SHOX: variants seen among roughly 807,000 people sequenced by gnomAD.
SHOX encodes short stature homeobox protein.
A neutral mutation model predicts 29.6 loss-of-function variants in SHOX; 12 were observed. The ratio of observed to expected loss-of-function variants is 0.41; its 90% CI spans 0.26 to 0.66. The LOEUF is 0.66. SHOX is among the 30% of genes least tolerant of loss of function. The probability of loss-of-function intolerance (pLI) is 0.35; values close to 1 mark genes in which losing one functional copy is unlikely to be tolerated. For missense variants in SHOX, 499 were observed against 437.7 expected (o/e 1.14, Z -1.25); for synonymous variants, 214 against 200.6 (o/e 1.07, Z -0.57).
At chrX:654,004 G>A (rs766846706), downstream of SHOX, among the ~76,000 whole-genome samples, 107 of 152,092 alleles carry the variant, frequency 7.0e-4, 2 homozygotes, top group Admixed American at 1.4e-3. Context: ...AGTGTCGGTC[G>A]TCTACTCTAC....
intron 2 of SHOX, among the ~76,000 whole-genome samples, chrX:638,695 T>C (rs1246626667): frequency 6.6e-6 from 1 of 151,894 alleles, no homozygotes; most frequent in Non-Finnish European, 1.5e-5. Flanking sequence ...CTGTGTAGAC[T>C]CCTGGCTGCT....
chrX:627,338 A>G (rs1028468006), upstream of SHOX, among the ~76,000 whole-genome samples: 2 of 152,198 alleles, frequency 1.3e-5, no homozygotes, highest in Non-Finnish European at 2.9e-5. Flanking sequence ...TCAAGCACTC[A>G]AACGCTGGGT....
intron 5 of SHOX, among the ~76,000 whole-genome samples, chrX:656,792 G>A (rs78599245): frequency 0.71 from 56,058 of 79,150 alleles, 19,426 homozygotes; most frequent in East Asian, 0.77. Context: ...GCAGTGAGTC[G>A]AGATCGCGCC....
Position 648,418 on chromosome X carries a change from G to T in SHOX, c.*3782G>T, listed in dbSNP as rs28415306. 0.29 allele frequency among the ~76,000 whole-genome samples: 44,739 copies of T among 151,680 alleles called. 6,953 individuals carry two copies. Among genetic ancestry groups the T allele is most frequent in the Non-Finnish European group, 0.35 (23,661 of 67,778 alleles). ...TTTTTTGCATTTTTGGTAGAGACAG[G>T]TTTTTGCTGTGTTGGCCCGGCTGGT... On this transcript the variant is annotated 3_prime_UTR_variant, in exon 5 of 5. Transcript: ENST00000686671.
rs2053049542 is a variant in SHOX, at chrX:650,825, G to T, written c.*6189G>T. Among the ~76,000 whole-genome samples, 1 of 105,390 alleles carries T rather than the reference G, an allele frequency of 9.5e-6. No individual in the cohort carries two copies. Among genetic ancestry groups the T allele is most frequent in the Non-Finnish European group, 2.3e-5 (1 of 43,960 alleles). The allele number at this position is 105,390 out of a possible 152,430, so 69.1% of individuals were successfully genotyped here. On this transcript the variant is annotated 3_prime_UTR_variant, in exon 5 of 5. Transcript: ENST00000686671. Reference sequence around the variant, plus strand: ...AAAAAAAAAAAAAAAAAAAACTGGTGCCTAATTTATTAAAGAGAATTAGCT... The same window carrying T: ...AAAAAAAAAAAAAAAAAAAACTGGTTCCTAATTTATTAAAGAGAATTAGCT...
At chrX:626,524 C>A (rs1188007670), upstream of SHOX, among the ~76,000 whole-genome samples, 1 of 60,334 alleles carries the variant, frequency 1.7e-5, no homozygotes, top group Non-Finnish European at 3.3e-5. Context: ...CTCTGTCTCT[C>A]TCTGTGTCTC....
chrX:638,482 G>A (rs1458832102), intron 2 of SHOX, among the ~76,000 whole-genome samples: 2 of 152,128 alleles, frequency 1.3e-5, no homozygotes, highest in Non-Finnish European at 2.9e-5. Flanking sequence ...GCCAGCTTTG[G>A]AAATTATTGG....
intron 2 of SHOX, among the ~76,000 whole-genome samples, chrX:640,530 A>C (rs1200760390): frequency 1.3e-5 from 2 of 151,912 alleles, no homozygotes; most frequent in East Asian, 1.9e-4. Context: ...GAGCCGAGAT[A>C]GTGCCACTGC....
downstream of SHOX, among the ~76,000 whole-genome samples, chrX:653,220 G>A (rs940897677): frequency 3.2e-4 from 49 of 152,230 alleles, no homozygotes; most frequent in African/African-American, 1.1e-3. Flanking sequence ...CAGCCTGGGC[G>A]ACAGAGCCAG....
At chrX:652,665 C>T (rs1405088758), downstream of SHOX, among the ~76,000 whole-genome samples, 1 of 152,136 alleles carries the variant, frequency 6.6e-6, no homozygotes, top group Admixed American at 6.6e-5. Context: ...CTGAAAGCTT[C>T]TCTTGGCCAG....
Position 646,948 on chromosome X carries a change from T to TTG in SHOX, c.*2313_*2314insGT, listed in dbSNP as rs1055140132. ...TTGGTAAGATATGTACAGCCCTAGA[T>TTG]TTTTTTTTTTTAACCAAAAAGGCTG... On this transcript the variant is annotated 3_prime_UTR_variant, in exon 5 of 5. Coordinates refer to ENST00000686671, the MANE Select transcript of SHOX (RefSeq NM_000451.4). 1.1e-4 allele frequency: 4 copies of TTG among 35,632 alleles called. No homozygotes were observed. Among genetic ancestry groups the TTG allele is most frequent in the Non-Finnish European group, 2.0e-4 (4 of 19,682 alleles). The allele number at this position is 35,632 out of a possible 1,614,324, so 2.2% of individuals were successfully genotyped here.
At chrX:639,321 T>G (rs914519367) in intron 2 of SHOX, among the ~76,000 whole-genome samples, 4 of 152,220 alleles carry the variant, frequency 2.6e-5, no homozygotes, top group Non-Finnish European at 5.9e-5. Context: ...GACCCTTTCA[T>G]GTATGGGGAC....
intron 2 of SHOX, among the ~76,000 whole-genome samples, chrX:638,943 G>C (rs1302832649): frequency 6.6e-6 from 1 of 152,178 alleles, no homozygotes; most frequent in Non-Finnish European, 1.5e-5. Flanking sequence ...CAGAAAACCT[G>C]TTAGGAGGAA....
intron 2 of SHOX, among the ~76,000 whole-genome samples, chrX:637,719 C>A (rs924159450): frequency 6.6e-6 from 1 of 152,148 alleles, no homozygotes; most frequent in East Asian, 1.9e-4. Context: ...GGGACGGGGA[C>A]GAGCAGGGAC....
upstream of SHOX, chrX:630,564 C>T (rs2052629031): frequency 4.3e-6 from 2 of 468,878 alleles, no homozygotes; most frequent in East Asian, 3.9e-5. Flanking sequence ...CGCGCGCTCT[C>T]CCTTCCAAAA....
chrX:652,851 T>C (rs2053086756), downstream of SHOX, among the ~76,000 whole-genome samples: 1 of 144,562 alleles, frequency 6.9e-6, no homozygotes, highest in Admixed American at 7.2e-5. Context: ...GAGGTGCTTT[T>C]CATGGCTGAC....
Position 645,390 on chromosome X carries a change from A to T in SHOX, c.*754A>T, listed in dbSNP as rs73607276. ...GGGTCTGGTTTTGTTTTGGATTGGT[A>T]TTTTTTTTTTTTTTTTTTTTTTTTT... is the stretch of plus-strand genomic sequence containing the variant. On this transcript the variant is annotated 3_prime_UTR_variant, in exon 5 of 5. Transcript: ENST00000686671. 8,113 of 78,140 alleles carry T rather than the reference A, an allele frequency of 0.1. 788 individuals carry two copies. The highest frequency in any genetic ancestry group is 0.18 in the African/African-American group (3,599 of 20,514). The allele number at this position is 78,140 out of a possible 1,614,324, so 4.8% of individuals were successfully genotyped here.
chrX:625,720 TCTCTCTC>T lies in SHOX; in HGVS notation c.-433+1126_-433+1132del, dbSNP rs1405408658. 3.6e-3 allele frequency among the ~76,000 whole-genome samples: 533 copies of T among 148,746 alleles called. 19 individuals are homozygous for T. Among genetic ancestry groups the T allele is most frequent in the African/African-American group, 0.012 (483 of 39,858 alleles). The stretch of plus-strand genomic sequence containing the variant: ...CTGTCTCTCTTTCTATCTCTGTCTC[TCTCTCTC>T]CTCTCTCTCTGTCTCTTTTTCTCTG... On this transcript the variant is annotated intron_variant, in intron 1 of 5. Transcript: ENST00000334060.
chrX:657,523 G>A (rs948888281), intron 5 of SHOX, among the ~76,000 whole-genome samples: 19 of 152,074 alleles, frequency 1.2e-4, no homozygotes, highest in Non-Finnish European at 1.2e-4. Flanking sequence ...GTTTTTTTCA[G>A]AGAAGAACCT....
Sources: allele counts gnomAD v4.1 joint callset (sites outside exome capture counted in the v4.1 genomes callset), GRCh38; gene constraint gnomAD v4.1.1; transcripts MANE v1.5; gene names NCBI Gene and HGNC (gene_info 2026-07-23, HGNC 2026-07-21).